Variants in LPA observed in about 807,000 individuals in gnomAD.
The protein encoded by LPA is apolipoprotein(a).
In LPA, 199 loss-of-function variants were observed where a neutral mutation model predicts 197.9. The observed-to-expected ratio is 1.01, with a 90% confidence interval of 0.90 to 1.13. LPA has a LOEUF of 1.13. LPA is among the 50% of genes most tolerant of loss of function. The probability of loss-of-function intolerance (pLI) is 0.00; values close to 1 mark genes in which losing one functional copy is unlikely to be tolerated. For missense variants in LPA, 1,853 were observed against 1,785.8 expected (o/e 1.04, Z -0.68); for synonymous variants, 715 against 639.5 (o/e 1.12, Z -1.78).
intron 33 of LPA, among the ~76,000 whole-genome samples, chr6:160,544,910 C>T (rs1041726124): frequency 6.6e-6 from 1 of 152,158 alleles, no homozygotes; most frequent in Non-Finnish European, 1.5e-5. Flanking sequence ...AGCAATGTCG[C>T]TAATGGGACT....
At position 160,542,713 on chromosome 6, in the gene LPA, G is replaced by T. The variant is rs2114999710; in HGVS notation, c.5494C>A (p.Pro1832Thr). Residue 1832 changes from proline (P) to threonine (T), a missense_variant, in exon 34 of 39, where the codon CCC becomes ACC. By Grantham distance (38) the Pro-to-Thr change is conservative. Transcript: ENST00000316300. The stretch of plus-strand genomic sequence containing the variant: ...CTTGTTCTGAGACTGACTTGCCAGG[G>T]CCAGGAATGTGGGTGGGCCACACAC... Reference protein sequence around the residue: ...GGCVAHPHSWPWQVSLRTRFG... With the variant: ...GGCVAHPHSWTWQVSLRTRFG... 6.2e-7 allele frequency: 1 copy of T among 1,613,878 alleles called. No individual in the cohort carries two copies. The highest frequency in any genetic ancestry group is 8.5e-7 in the Non-Finnish European group (1 of 1,179,962).
At chr6:160,532,029 CA>C (rs1777815049) in intron 38 of LPA, 139 bp from the exon 39 acceptor site, 1 of 961,002 alleles carries the variant, frequency 1.0e-6, no homozygotes, top group African/African-American at 1.6e-5. Flanking sequence ...ATTACTCAAG[CA>C]TCTGCAGTGC....
At chr6:160,567,522 A>G (rs1203206540) in intron 28 of LPA, among the ~76,000 whole-genome samples, 3 of 152,194 alleles carry the variant, frequency 2.0e-5, no homozygotes, top group Non-Finnish European at 4.4e-5. Context: ...TACAGCACTA[A>G]ATGCCCACAA....
rs777314897 is a variant in LPA at position 160,590,948 on chromosome 6, T to C, written c.3783A>G (p.Glu1261=). Residue 1261 remains glutamate (E), a synonymous_variant, in exon 23 of 39, where the codon GAA becomes GAG. Transcript: ENST00000316300. ...SVLATSTAVS[E]QAPTEQSPTV... is the part of the protein sequence containing the mutation. The stretch of plus-strand genomic sequence containing the variant: ...GTCTGGCCAGAGACTTCTTACCTTG[T>C]TCAGAAACAGCCGTGGACGTCGCAA... The C allele has an allele frequency of 1.2e-6, 2 of 1,613,924 alleles. No individual in the cohort carries two copies. Among genetic ancestry groups the C allele is most frequent in the Non-Finnish European group, 8.5e-7 (1 of 1,179,868 alleles).
Position 160,531,629 on chromosome 6 carries a change from T to G in LPA, c.*100A>C. ...TGGCATAGCTGGTAGCTGGGAACAG[T>G]GTCTTCGTTTGATTGCTGTCTATTA... On this transcript the variant is annotated 3_prime_UTR_variant, in exon 39 of 39. Transcript: ENST00000316300. 1.3e-6 allele frequency: 2 copies of G among 1,496,966 alleles called. No individual in the cohort carries two copies. Among genetic ancestry groups the G allele is most frequent in the Non-Finnish European group, 1.9e-6 (2 of 1,075,860 alleles). 92.7% of individuals were successfully genotyped at this position (1,496,966 alleles called of 1,614,324 possible).
At chr6:160,538,505 A>G (rs922656431) in intron 36 of LPA, among the ~76,000 whole-genome samples, 2 of 152,244 alleles carry the variant, frequency 1.3e-5, no homozygotes, top group Non-Finnish European at 2.9e-5. Flanking sequence ...AGCACCTTGC[A>G]TGAACTAAAT....
At chr6:160,582,775 T>A (rs763848290) in intron 26 of LPA, among the ~76,000 whole-genome samples, 2 of 152,150 alleles carry the variant, frequency 1.3e-5, no homozygotes, top group Non-Finnish European at 2.9e-5. Context: ...CTGCTTCAAG[T>A]ATTTTTTCTG....
chr6:160,599,412 G>T, intron 20 of LPA, 88 bp downstream of exon 20: 1 of 1,567,716 alleles, frequency 6.4e-7, no homozygotes, highest in Non-Finnish European at 8.8e-7. Context: ...GCCAAGTTGA[G>T]TCCTGAGCAG....
chr6:160,566,705 TAA>T (rs1265200509), intron 28 of LPA, among the ~76,000 whole-genome samples: 1 of 152,098 alleles, frequency 6.6e-6, no homozygotes, highest in Non-Finnish European at 1.5e-5. Flanking sequence ...GAAAATTGGA[TAA>T]AGAGTCAAGA....
chr6:160,634,882 T>C (rs1042976268), intron 7 of LPA, among the ~76,000 whole-genome samples: 7 of 149,986 alleles, frequency 4.7e-5, no homozygotes, highest in South Asian at 2.1e-4. Context: ...AGGAGGTGAG[T>C]TGTGAAGCCC....
intron 18 of LPA, 79 bp downstream of exon 18, chr6:160,604,967 A>C: frequency 1.9e-6 from 3 of 1,593,202 alleles, no homozygotes; most frequent in Non-Finnish European, 2.6e-6. Flanking sequence ...AGTCCTGAAC[A>C]CTCAGCTTGA....
chr6:160,559,140 G>C (rs1217292274), intron 28 of LPA, among the ~76,000 whole-genome samples: 1 of 152,166 alleles, frequency 6.6e-6, no homozygotes. Context: ...GAACATTTCT[G>C]TGACCCCAGA....
At chr6:160,611,275 A>C (rs963572759) in intron 16 of LPA, among the ~76,000 whole-genome samples, 10 of 152,082 alleles carry the variant, frequency 6.6e-5, no homozygotes, top group Non-Finnish European at 1.3e-4. Flanking sequence ...GGTGTTGGGC[A>C]AGGGTAATCT....
At chr6:160,551,489 C>T (rs1371540233) in intron 30 of LPA, among the ~76,000 whole-genome samples, 1 of 152,122 alleles carries the variant, frequency 6.6e-6, no homozygotes, top group Non-Finnish European at 1.5e-5. Flanking sequence ...TGTTACTTGC[C>T]TATTTATTTT....
At chr6:160,663,654 A>G (rs1258339127) in intron 1 of LPA, among the ~76,000 whole-genome samples, 1 of 152,258 alleles carries the variant, frequency 6.6e-6, no homozygotes. Context: ...CTCCAGGGAT[A>G]AGAAGCAAAT....
chr6:160,611,717 C>T lies in LPA; in HGVS notation c.2448G>A (p.Pro816=), dbSNP rs756630781. The T allele has an allele frequency of 5.3e-6, 8 of 1,509,242 alleles. No homozygotes were observed. The East Asian group carries it at 6.9e-5, about 13-fold the overall frequency. The allele number at this position is 1,509,242 out of a possible 1,614,324, so 93.5% of individuals were successfully genotyped here. A position where few individuals can be genotyped will look rare whatever the true frequency, so the allele number is the denominator to read the frequency against. The change falls in exon 16 of 39, where the codon CCG becomes CCA. Residue 816 remains proline (P), a synonymous_variant. Transcript: ENST00000316300. The stretch of plus-strand genomic sequence containing the variant: ...CCTGCACCCCAGGCCTCTGCTCAGT[C>T]GGTGCTGAAATGAAAACACAAGAAA... The part of the protein sequence containing the change: ...PSLEAPSEQA[P]TEQRPGVQEC...
chr6:160,537,510 A>G (rs1179522797), intron 37 of LPA, among the ~76,000 whole-genome samples: 6 of 152,216 alleles, frequency 3.9e-5, no homozygotes, highest in Admixed American at 3.9e-4. Context: ...TCAAAACCCC[A>G]CTTACCTGGG....
At chr6:160,595,633 A>G in intron 20 of LPA, 98 bp from the exon 21 acceptor site, 1 of 1,563,674 alleles carries the variant, frequency 6.4e-7, no homozygotes, top group Non-Finnish European at 8.7e-7. Context: ...GTAAAAAGAG[A>G]CTTTGAAATA....
intron 37 of LPA, among the ~76,000 whole-genome samples, chr6:160,534,024 G>C (rs1777845873): frequency 6.6e-6 from 1 of 152,198 alleles, no homozygotes; most frequent in Admixed American, 6.5e-5. Flanking sequence ...GCACAGGCTA[G>C]AACTGAGGCA....
Sources: gnomAD v4.1 joint callset for allele counts (sites outside exome capture counted in the v4.1 genomes callset) on GRCh38, gnomAD v4.1.1 for gene constraint, MANE v1.5 for transcripts, NCBI Gene and HGNC (gene_info 2026-07-23, HGNC 2026-07-21) for gene names.